The following XIAP variants were observed in gnomAD, a reference collection of about 807,000 sequenced individuals.
The protein encoded by XIAP is X-linked inhibitor of apoptosis.
In XIAP, 3 loss-of-function variants were observed where a neutral mutation model predicts 33.1. That is an observed-to-expected ratio of 0.09 (90% CI 0.04 to 0.23). The LOEUF (loss-of-function observed/expected upper bound fraction) is 0.23. Among genes scored for constraint, XIAP ranks in the 10% least tolerant of loss-of-function variants. The probability of loss-of-function intolerance (pLI) is 1.00; values close to 1 mark genes in which losing one functional copy is unlikely to be tolerated. For missense variants in XIAP, 264 were observed against 363.0 expected, an observed-to-expected ratio of 0.73 and a Z score of 2.22; for synonymous variants, 98 against 121.3, an observed-to-expected ratio of 0.81 and a Z score of 1.26.
intron 3 of XIAP, among the ~76,000 whole-genome samples, chrX:123,890,377 A>T (rs531549191): frequency 1.9e-5 from 2 of 106,355 alleles, no homozygotes; most frequent in South Asian, 8.5e-4. Flanking sequence ...TAATCTCAGC[A>T]CTTTGGGAGG....
upstream of XIAP, chrX:123,859,766 G>A (rs1257220572): frequency 4.8e-6 from 1 of 210,425 alleles, no homozygotes; most frequent in Non-Finnish European, 8.8e-6. Context: ...AGCCGGGCGG[G>A]GGGGTCGGGT....
rs772635403 is a variant in XIAP at position 123,913,257 on chromosome X, A to G, written c.*6076A>G. Reference sequence around the variant, plus strand: ...GAGGCTGAGGCAGGCGGCTCACCTGAGGTCAGGAGTTGGAGACCAGCCTGG... The same window carrying G: ...GAGGCTGAGGCAGGCGGCTCACCTGGGGTCAGGAGTTGGAGACCAGCCTGG... On this transcript the variant is annotated 3_prime_UTR_variant, in exon 7 of 7. Transcript: ENST00000371199. 9.1e-6 allele frequency: 3 copies of G among 328,096 alleles called. No homozygotes were observed. The highest frequency in any genetic ancestry group is 2.6e-5 in the South Asian group (1 of 38,318). 27.0% of individuals were successfully genotyped at this position (328,096 alleles called of 1,213,427 possible). A position where few individuals can be genotyped will look rare whatever the true frequency, so the allele number is the denominator to read the frequency against.
At chrX:123,864,108 T>C (rs1274447926) in intron 1 of XIAP, among the ~76,000 whole-genome samples, 2 of 110,572 alleles carry the variant, frequency 1.8e-5, no homozygotes, top group Non-Finnish European at 3.8e-5. Context: ...ATTATTATAA[T>C]TAATGGACCA....
At chrX:123,877,328 A>G (rs1355823626) in intron 1 of XIAP, among the ~76,000 whole-genome samples, 2 of 111,708 alleles carry the variant, frequency 1.8e-5, no homozygotes, top group Non-Finnish European at 3.8e-5. Flanking sequence ...CGGCCTCCCA[A>G]AGTGCTGGGA....
At chrX:123,892,663 C>A in intron 4 of XIAP, 68 bp from the exon 5 acceptor site, 1 of 936,287 alleles carries the variant, frequency 1.1e-6, no homozygotes, top group Non-Finnish European at 1.5e-6. Context: ...ATTAATTTCA[C>A]TTTTCAAATG....
At position 123,912,130 on chromosome X, in the gene XIAP, C is replaced by T; in HGVS notation, c.*4949C>T. 6.3e-6 allele frequency: 2 copies of T among 318,802 alleles called. No homozygotes were observed. Among genetic ancestry groups the T allele is most frequent in the East Asian group, 2.0e-4 (2 of 9,938 alleles). 26.3% of individuals were successfully genotyped at this position (318,802 alleles called of 1,213,427 possible). On this transcript the variant is annotated 3_prime_UTR_variant, in exon 7 of 7. Coordinates refer to ENST00000371199, the MANE Select transcript of XIAP (RefSeq NM_001167.4). ...ACACTTTATAACTAATATAATAGGA[C>T]AATCATCAATGCATATATAGCCAGC...
chrX:123,878,310 G>T (rs192670078), intron 1 of XIAP, among the ~76,000 whole-genome samples: 358 of 111,596 alleles, frequency 3.2e-3, no homozygotes, highest in African/African-American at 0.011. Context: ...TATATGCAGA[G>T]TTGTGCAACT....
At chrX:123,882,870 C>CT (rs1325284712) in intron 1 of XIAP, among the ~76,000 whole-genome samples, 1 of 111,790 alleles carries the variant, frequency 8.9e-6, no homozygotes, top group African/African-American at 3.3e-5. Context: ...CCTCCACTTC[C>CT]TGGGTTCAAG....
At chrX:123,866,182 A>C (rs1269495837) in intron 1 of XIAP, among the ~76,000 whole-genome samples, 1 of 108,056 alleles carries the variant, frequency 9.3e-6, no homozygotes, top group Non-Finnish European at 1.9e-5. Context: ...CTCGTGATCC[A>C]CCCACCTCAG....
intron 2 of XIAP, among the ~76,000 whole-genome samples, chrX:123,887,953 C>T (rs1256804948): frequency 9.2e-6 from 1 of 108,771 alleles, no homozygotes. Context: ...CATTGCACTC[C>T]AGCCTGGGCA....
chrX:123,885,798 A>G lies in XIAP; in HGVS notation c.136A>G (p.Thr46Ala), dbSNP rs773990585. The G allele has an allele frequency of 1.7e-6, 2 of 1,211,999 alleles. No individual in the cohort carries two copies. Among genetic ancestry groups the G allele is most frequent in the Admixed American group, 2.2e-5 (1 of 45,982 alleles). ...AAGTGGTAGTCCTGTTTCAGCATCA[A>G]CACTGGCACGAGCAGGGTTTCTTTA... ...FPSGSPVSAS[T>A]LARAGFLYTG... Residue 46 changes from threonine to alanine, a missense_variant, in exon 2 of 7, where the codon ACA becomes GCA. Coordinates refer to ENST00000371199, the MANE Select transcript of XIAP (RefSeq NM_001167.4).
intron 5 of XIAP, among the ~76,000 whole-genome samples, chrX:123,899,308 CGCACACAT>C (rs1406336152): frequency 1.0e-5 from 1 of 96,936 alleles, no homozygotes; most frequent in Non-Finnish European, 2.0e-5. Flanking sequence ...TATATACACA[CGCACACAT>C]ACACACATAA....
chrX:123,903,623 TTTTTTTTGTTTTGTTTTTTG>T (rs2053534007), intron 6 of XIAP, among the ~76,000 whole-genome samples: 1 of 66,864 alleles, frequency 1.5e-5, no homozygotes, highest in Non-Finnish European at 2.9e-5. Flanking sequence ...GTTTCAGTTT[TTTTTTTTGTTTTGTTTTTTG>T]TTTTTTTTAG....
At position 123,913,799 on chromosome X, in the gene XIAP, G is replaced by T. The variant is rs2053628898; in HGVS notation, c.*6618G>T. ...TGTGAATAATCATGTGAAATGTTTTGAGACAGAGTACTATATTTGTGAATA... is the reference window on the plus strand; with the variant it reads ...TGTGAATAATCATGTGAAATGTTTTTAGACAGAGTACTATATTTGTGAATA... On this transcript the variant is annotated 3_prime_UTR_variant, in exon 7 of 7. Transcript: ENST00000371199. The T allele has an allele frequency of 3.1e-6, 1 of 324,901 alleles. No homozygotes were observed. Among genetic ancestry groups the T allele is most frequent in the Non-Finnish European group, 5.9e-6 (1 of 168,982 alleles). 26.8% of individuals were successfully genotyped at this position (324,901 alleles called of 1,213,427 possible). A position where few individuals can be genotyped will look rare whatever the true frequency, so the allele number is the denominator to read the frequency against.
intron 6 of XIAP, among the ~76,000 whole-genome samples, chrX:123,901,896 G>A (rs924817492): frequency 5.4e-5 from 6 of 110,730 alleles, no homozygotes; most frequent in Middle Eastern, 4.6e-3. Context: ...GCAATGGCAC[G>A]ATCTTGGCTC....
At chrX:123,864,988 CTTCTTTT>C (rs1443692650) in intron 1 of XIAP, among the ~76,000 whole-genome samples, 9 of 53,533 alleles carry the variant, frequency 1.7e-4, no homozygotes, top group African/African-American at 6.4e-4. Context: ...GGCCGCCTTT[CTTCTTTT>C]TTTTTTTTTT....
chrX:123,884,498 T>A (rs2053334522), intron 1 of XIAP, among the ~76,000 whole-genome samples: 1 of 98,595 alleles, frequency 1.0e-5, no homozygotes, highest in Non-Finnish European at 2.1e-5. Context: ...AAAAAAAAAA[T>A]CAATTAATGC....
chrX:123,898,849 A>G (rs2053483815), intron 5 of XIAP, among the ~76,000 whole-genome samples: 1 of 103,892 alleles, frequency 9.6e-6, no homozygotes, highest in Non-Finnish European at 2.0e-5. Flanking sequence ...AGCCGGGCGC[A>G]GTGGCTCACG....
At chrX:123,871,099 T>C (rs1200950340) in intron 1 of XIAP, among the ~76,000 whole-genome samples, 1 of 110,893 alleles carries the variant, frequency 9.0e-6, no homozygotes, top group Non-Finnish European at 1.9e-5. Context: ...TATGCCACCA[T>C]GCCCAGCTAA....
Sources: gnomAD v4.1 joint callset for allele counts (sites outside exome capture counted in the v4.1 genomes callset) on GRCh38, gnomAD v4.1.1 for gene constraint, MANE v1.5 for transcripts, NCBI Gene and HGNC (gene_info 2026-07-23, HGNC 2026-07-21) for gene names.